The following DUSP13B variants were observed in gnomAD, a reference collection of about 807,000 sequenced individuals.
DUSP13B encodes the protein dual specificity protein phosphatase 13B.
the DUSP13B span, chr10:75,095,692 G>A: frequency 1.2e-5 from 20 of 1,614,198 alleles, no homozygotes; most frequent in Middle Eastern, 8.2e-4. Context: ...GACATTCCAC[G>A]GTAGAATTTG....
chr10:75,104,086 T>G, the DUSP13B span: 1 of 1,353,108 alleles, frequency 7.4e-7, no homozygotes, highest in Non-Finnish European at 9.8e-7. Context: ...TGGCAGGGAG[T>G]AAGGACCAGC....
At chr10:75,103,683 C>T in the DUSP13B span, among the ~76,000 whole-genome samples, 1 of 152,246 alleles carries the variant, frequency 6.6e-6, no homozygotes, top group Non-Finnish European at 1.5e-5. Context: ...TGCACTGGGT[C>T]TCTGAGGTCT....
chr10:75,104,075 A>G, the DUSP13B span: 3 of 1,358,172 alleles, frequency 2.2e-6, no homozygotes, highest in Admixed American at 3.9e-5. Flanking sequence ...GCAGAGCCCC[A>G]TGGCAGGGAG....
chr10:75,108,160 CG>C, the DUSP13B span: 1 of 1,612,488 alleles, frequency 6.2e-7, no homozygotes. Flanking sequence ...GCGTTCAGCA[CG>C]TGGGTGATGC....
the DUSP13B span, among the ~76,000 whole-genome samples, chr10:75,105,035 C>T: frequency 1.3e-5 from 2 of 152,162 alleles, no homozygotes; most frequent in African/African-American, 4.8e-5. Context: ...TAGGGACAGC[C>T]AAAGACAGGC....
chr10:75,095,513 G>A, the DUSP13B span: 1 of 1,477,018 alleles, frequency 6.8e-7, no homozygotes, highest in South Asian at 1.2e-5. Context: ...AGTGCTACTG[G>A]AATAATGGAG....
chr10:75,105,841 CCCA>C, the DUSP13B span: 4 of 1,550,442 alleles, frequency 2.6e-6, no homozygotes, highest in African/African-American at 5.5e-5. Context: ...GCGGCTCACG[CCCA>C]CCACACAGTG....
At chr10:75,097,578 CAT>C in the DUSP13B span, 1 of 795,868 alleles carries the variant, frequency 1.3e-6, no homozygotes, top group Non-Finnish European at 1.8e-6. Context: ...AGGAAAGAAA[CAT>C]AGGGAAAGAG....
At chr10:75,095,765 G>A in the DUSP13B span, 4 of 1,614,188 alleles carry the variant, frequency 2.5e-6, no homozygotes, top group Non-Finnish European at 3.4e-6. Flanking sequence ...TTCCCAGCTG[G>A]ATCAGCTTGC....
chr10:75,105,702 C>T, the DUSP13B span: 54 of 1,551,580 alleles, frequency 3.5e-5, no homozygotes, highest in African/African-American at 4.6e-4. Context: ...GTTGCTGGTC[C>T]AGCCTGCAGA....
At chr10:75,107,667 C>G in the DUSP13B span, among the ~76,000 whole-genome samples, 1 of 152,110 alleles carries the variant, frequency 6.6e-6, no homozygotes, top group Non-Finnish European at 1.5e-5. Context: ...ACCTCCGCCC[C>G]CCATGTTCAA....
At chr10:75,100,661 GCTC>G in the DUSP13B span, among the ~76,000 whole-genome samples, 1 of 152,290 alleles carries the variant, frequency 6.6e-6, no homozygotes, top group Admixed American at 6.5e-5. Context: ...CTGATCCCGT[GCTC>G]CTCCTCGCCC....
the DUSP13B span, chr10:75,104,062 G>A: frequency 7.3e-7 from 1 of 1,361,182 alleles, no homozygotes; most frequent in Non-Finnish European, 9.8e-7. Context: ...GGGTGGCAAA[G>A]TGGCAGAGCC....
chr10:75,107,611 C>A, the DUSP13B span, among the ~76,000 whole-genome samples: 1 of 152,014 alleles, frequency 6.6e-6, no homozygotes, highest in Non-Finnish European at 1.5e-5. Context: ...GAGTTTCGCC[C>A]TTTTGCCCAG....
the DUSP13B span, chr10:75,103,999 C>G: frequency 2.2e-6 from 3 of 1,355,706 alleles, no homozygotes; most frequent in South Asian, 2.3e-5. Context: ...CCACCATCTT[C>G]TGTGTGTCCG....
At chr10:75,105,734 T>A in the DUSP13B span, 1 of 1,554,718 alleles carries the variant, frequency 6.4e-7, no homozygotes, top group Non-Finnish European at 8.7e-7. Flanking sequence ...AAGCCTCGGT[T>A]GGGGAAGACC....
chr10:75,108,144 T>C, the DUSP13B span: 612 of 1,613,168 alleles, frequency 3.8e-4, 7 homozygotes, highest in South Asian at 6.4e-3. Context: ...GAGGCCCTTG[T>C]GGGCGGCGTT....
At chr10:75,101,997 T>G in the DUSP13B span, 16 of 1,324,540 alleles carry the variant, frequency 1.2e-5, no homozygotes, top group Non-Finnish European at 1.5e-5. Context: ...TAAAGCATGC[T>G]GTCTACTCCC....
At chr10:75,105,544 AGCCACACACAGCCCT>A in the DUSP13B span, 1 of 1,035,192 alleles carries the variant, frequency 9.7e-7, no homozygotes, top group Non-Finnish European at 1.4e-6. Flanking sequence ...CCTCACTTCC[AGCCACACACAGCCCT>A]GCCAACCAAT....
Sources: gnomAD v4.1 joint callset for allele counts (sites outside exome capture counted in the v4.1 genomes callset) on GRCh38, gnomAD v4.1.1 for gene constraint, MANE v1.5 for transcripts, NCBI Gene and HGNC (gene_info 2026-07-23, HGNC 2026-07-21) for gene names.